The following SCARA5 variants were observed in gnomAD, a reference collection of about 807,000 sequenced individuals.
SCARA5 encodes scavenger receptor class A member 5.
In SCARA5, 45 loss-of-function variants were observed where a neutral mutation model predicts 46.3. The ratio of observed to expected loss-of-function variants is 0.97; its 90% CI spans 0.76 to 1.24. The LOEUF is 1.24. Among genes scored for constraint, SCARA5 ranks in the 50% most tolerant of loss-of-function variants. The pLI, the probability that SCARA5 is intolerant of heterozygous loss-of-function variation, is 0.00. For missense variants in SCARA5, 680 were observed against 689.0 expected, an observed-to-expected ratio of 0.99 and a Z score of 0.15; for synonymous variants, 333 against 306.5, an observed-to-expected ratio of 1.09 and a Z score of -0.90.
intron 7 of SCARA5, among the ~76,000 whole-genome samples, chr8:27,884,302 C>T (rs1261996119): frequency 6.6e-6 from 1 of 151,564 alleles, no homozygotes; most frequent in East Asian, 1.9e-4. Context: ...AGAAGAAAAA[C>T]ATGGAGAAGA....
intron 1 of SCARA5, 120 bp downstream of exon 1, chr8:27,992,137 C>A: frequency 6.6e-6 from 1 of 152,376 alleles, no homozygotes; most frequent in Non-Finnish European, 1.5e-5. Flanking sequence ...CACCTCCAGG[C>A]TCTAGGTCTG....
intron 3 of SCARA5, among the ~76,000 whole-genome samples, chr8:27,939,693 A>G (rs1807912357): frequency 6.6e-6 from 1 of 152,170 alleles, no homozygotes. Context: ...AGAAGAAAGG[A>G]AGCTAATATT....
At chr8:27,954,157 G>A (rs1339787820) in intron 3 of SCARA5, among the ~76,000 whole-genome samples, 1 of 152,172 alleles carries the variant, frequency 6.6e-6, no homozygotes, top group African/African-American at 2.4e-5. Flanking sequence ...GTCCCTGGCT[G>A]TTCCCAGGTA....
At chr8:27,960,022 T>G (rs190796294) in intron 3 of SCARA5, among the ~76,000 whole-genome samples, 14 of 152,344 alleles carry the variant, frequency 9.2e-5, no homozygotes, top group African/African-American at 3.4e-4. Context: ...ATTGGAAACA[T>G]GTGCATATGG....
chr8:27,990,039 G>T (rs896860461), intron 1 of SCARA5, among the ~76,000 whole-genome samples: 5 of 152,240 alleles, frequency 3.3e-5, no homozygotes, highest in Non-Finnish European at 7.3e-5. Flanking sequence ...CTGCCCCTGG[G>T]GAGTGGAGGT....
intron 8 of SCARA5, 79 bp downstream of exon 8, chr8:27,879,490 G>T: frequency 1.4e-6 from 2 of 1,394,644 alleles, no homozygotes; most frequent in South Asian, 1.2e-5. Flanking sequence ...CAGTGGAAGG[G>T]ACTCGGGCTT....
intron 2 of SCARA5, among the ~76,000 whole-genome samples, chr8:27,971,388 C>A (rs1808445675): frequency 6.6e-6 from 1 of 152,220 alleles, no homozygotes; most frequent in African/African-American, 2.4e-5. Flanking sequence ...GTCTTCACTT[C>A]AGAGTCCAAT....
At chr8:27,964,722 A>G (rs1808342247) in intron 3 of SCARA5, among the ~76,000 whole-genome samples, 2 of 151,860 alleles carry the variant, frequency 1.3e-5, no homozygotes, top group South Asian at 4.2e-4. Flanking sequence ...CCGTCACTCC[A>G]CTGCAAGTCT....
At chr8:27,960,351 A>G (rs1224004221) in intron 3 of SCARA5, among the ~76,000 whole-genome samples, 1 of 151,878 alleles carries the variant, frequency 6.6e-6, no homozygotes, top group Admixed American at 6.6e-5. Context: ...TCATTTTTTA[A>G]TTATTCGTAG....
At chr8:27,987,992 A>C (rs1182936717) in intron 1 of SCARA5, among the ~76,000 whole-genome samples, 4 of 152,118 alleles carry the variant, frequency 2.6e-5, no homozygotes, top group African/African-American at 9.7e-5. Context: ...GCTGACTCAA[A>C]AGGTAACCTG....
At chr8:27,877,805 C>A (rs1164721853) in intron 8 of SCARA5, among the ~76,000 whole-genome samples, 5 of 152,162 alleles carry the variant, frequency 3.3e-5, no homozygotes, top group African/African-American at 9.7e-5. Context: ...AGACGGCACT[C>A]CCTGCCAGCT....
chr8:27,992,395 G>T lies in SCARA5; in HGVS notation c.-154C>A, dbSNP rs1216575711. ...GCGTCCCCACAGCCAGCCAAATCCA[G>T]ATGGAGTCATAGAAAGGGGCTGCAG... On this transcript the variant is annotated 5_prime_UTR_variant, in exon 1 of 9. In the 5' UTR this introduces an upstream ATG that the reference lacks. Coordinates refer to ENST00000354914, the MANE Select transcript of SCARA5 (RefSeq NM_173833.6). 6.6e-6 allele frequency: 1 copy of T among 152,368 alleles called. No homozygotes were observed. Among genetic ancestry groups the T allele is most frequent in the Non-Finnish European group, 1.5e-5 (1 of 68,154 alleles). 9.4% of individuals were successfully genotyped at this position (152,368 alleles called of 1,614,324 possible). A position where few individuals can be genotyped will look rare whatever the true frequency, so the allele number is the denominator to read the frequency against.
At chr8:27,980,210 T>C (rs572399987) in intron 2 of SCARA5, among the ~76,000 whole-genome samples, 20 of 152,150 alleles carry the variant, frequency 1.3e-4, no homozygotes, top group East Asian at 1.2e-3. Flanking sequence ...AAGATGAAGA[T>C]GAAGAAATGA....
chr8:27,970,842 T>C (rs1208598308), intron 2 of SCARA5, among the ~76,000 whole-genome samples: 1 of 152,198 alleles, frequency 6.6e-6, no homozygotes, highest in African/African-American at 2.4e-5. Flanking sequence ...GACATATGTG[T>C]GTGCAAAATT....
At chr8:27,953,175 G>A (rs1033543355) in intron 3 of SCARA5, among the ~76,000 whole-genome samples, 2 of 152,206 alleles carry the variant, frequency 1.3e-5, no homozygotes, top group Non-Finnish European at 2.9e-5. Context: ...CAGGGGGCCA[G>A]GACATTGAAG....
intron 3 of SCARA5, among the ~76,000 whole-genome samples, chr8:27,961,029 CCTTCACAGA>C (rs1390300428): frequency 6.6e-6 from 1 of 152,160 alleles, no homozygotes; most frequent in East Asian, 1.9e-4. Context: ...GGTTACAGAG[CCTTCACAGA>C]TAACCTGGGG....
intron 2 of SCARA5, among the ~76,000 whole-genome samples, chr8:27,978,599 C>T (rs1376124715): frequency 6.6e-6 from 1 of 151,684 alleles, no homozygotes; most frequent in African/African-American, 2.4e-5. Flanking sequence ...GCAGCCTTGA[C>T]CGCCTGGTCA....
chr8:27,931,840 A>G (rs1807778645), intron 3 of SCARA5, among the ~76,000 whole-genome samples: 1 of 152,036 alleles, frequency 6.6e-6, no homozygotes, highest in South Asian at 2.1e-4. Flanking sequence ...TTTTCAGTAG[A>G]GACGCGTTCC....
chr8:27,946,244 G>C (rs1456840765), intron 3 of SCARA5, among the ~76,000 whole-genome samples: 1 of 152,140 alleles, frequency 6.6e-6, no homozygotes, highest in Non-Finnish European at 1.5e-5. Flanking sequence ...TAACAATGTG[G>C]GACATGCATA....
Sources: gnomAD v4.1 joint callset for allele counts (sites outside exome capture counted in the v4.1 genomes callset) on GRCh38, gnomAD v4.1.1 for gene constraint, MANE v1.5 for transcripts, NCBI Gene and HGNC (gene_info 2026-07-23, HGNC 2026-07-21) for gene names.